Variants in FMN1 observed in about 807,000 individuals in gnomAD.
The protein encoded by FMN1 is formin-1.
A neutral mutation model predicts 132.4 loss-of-function variants in FMN1; 110 were observed. That is an observed-to-expected ratio of 0.83 (90% CI 0.71 to 0.97). The LOEUF is 0.97. Ranked by LOEUF, FMN1 falls within the 50% of genes least tolerant of loss-of-function variation. The pLI is 0.00. For missense variants in FMN1, 1,792 were observed against 1,705.3 expected, an observed-to-expected ratio of 1.05 and a Z score of -0.90; for synonymous variants, 722 against 651.7, an observed-to-expected ratio of 1.11 and a Z score of -1.64.
rs1367927995 is a variant in FMN1, at chr15:33,103,719, G to C, written c.1868-14745C>G. Among the ~76,000 whole-genome samples, 6 of 152,168 alleles carry C rather than the reference G, an allele frequency of 3.9e-5. No individual in the cohort carries two copies. The East Asian group carries it at 1.2e-3, about 29-fold the overall frequency. ...TTTGTTATGTAGAAGAGTATTTAAG[G>C]TGCCAGGGTCTTTTCAGAATGTTTT... On this transcript the variant is annotated intron_variant, in intron 4 of 20. Coordinates refer to ENST00000616417, the MANE Select transcript of FMN1 (RefSeq NM_001277313.2).
At chr15:33,027,556 T>C (rs943026180) in intron 6 of FMN1, among the ~76,000 whole-genome samples, 1 of 151,934 alleles carries the variant, frequency 6.6e-6, no homozygotes, top group African/African-American at 2.4e-5. Context: ...ACACTAGTTT[T>C]AGACATTTCA....
At chr15:32,818,550 G>A (rs986259560) in intron 17 of FMN1, among the ~76,000 whole-genome samples, 2 of 152,034 alleles carry the variant, frequency 1.3e-5, no homozygotes, top group Non-Finnish European at 2.9e-5. Context: ...CTATTTTTGC[G>A]CCTTAGAGAA....
At chr15:33,091,389 G>A (rs1361010510) in intron 4 of FMN1, among the ~76,000 whole-genome samples, 1 of 152,136 alleles carries the variant, frequency 6.6e-6, no homozygotes, top group Non-Finnish European at 1.5e-5. Context: ...TCTCTACGCA[G>A]AGCAAAAACA....
In FMN1 at chr15:32,969,165, C is replaced by T. The variant is rs61166152; in HGVS notation, c.2536G>A (p.Asp846Asn). 4,026 of 1,613,716 alleles carry T rather than the reference C, an allele frequency of 2.5e-3. 80 individuals carry two copies. In the African/African-American group the frequency reaches 0.048, roughly 19 times the overall value. ...SSLSQLSPPNDHKDIHAALQP... is the reference protein window; with the variant it reads ...SSLSQLSPPNNHKDIHAALQP... ...AGTGCTGCATGGATGTCTTTGTGGT[C>T]ATTTGGGGGTGAGAGCTGGCTTAAA... is the stretch of plus-strand genomic sequence containing the variant. The change falls in exon 8 of 21, where the codon GAC becomes AAC. Residue 846 changes from aspartate to asparagine, a missense_variant. By Grantham distance (23) the Asp-to-Asn change is conservative (BLOSUM62 1). Around this residue, in one of 3 missense-constraint regions of FMN1, gnomAD observed 1,150 missense variants for 1,043.1 expected, o/e 1.10. Coordinates refer to ENST00000616417, the MANE Select transcript of FMN1 (RefSeq NM_001277313.2).
At chr15:33,127,925 T>A (rs973707581) in intron 4 of FMN1, among the ~76,000 whole-genome samples, 1 of 134,232 alleles carries the variant, frequency 7.4e-6, no homozygotes, top group Non-Finnish European at 1.7e-5. Flanking sequence ...CAGATGGAAA[T>A]AGAAGAAGAG....
intron 4 of FMN1, among the ~76,000 whole-genome samples, chr15:33,147,042 G>A (rs769632252): frequency 1.3e-5 from 2 of 151,896 alleles, no homozygotes; most frequent in Admixed American, 6.6e-5. Flanking sequence ...ATGCACACCT[G>A]TAATCCCAGC....
At chr15:32,794,581 AAAT>A (rs2057213523) in intron 19 of FMN1, among the ~76,000 whole-genome samples, 1 of 144,464 alleles carries the variant, frequency 6.9e-6, no homozygotes. Flanking sequence ...AAAAAATAAA[AAAT>A]AAAAAATAAA....
At chr15:32,896,515 G>A (rs1359192565) in intron 15 of FMN1, among the ~76,000 whole-genome samples, 1 of 151,940 alleles carries the variant, frequency 6.6e-6, no homozygotes, top group East Asian at 1.9e-4. Flanking sequence ...GTGTATTATT[G>A]TACAGATCTC....
At chr15:33,089,472 A>G (rs1436942133) in intron 4 of FMN1, among the ~76,000 whole-genome samples, 1 of 152,218 alleles carries the variant, frequency 6.6e-6, no homozygotes, top group Non-Finnish European at 1.5e-5. Flanking sequence ...GTAGTGCATG[A>G]GAAACCCATT....
At chr15:33,156,865 A>T (rs1479622950) in intron 3 of FMN1, among the ~76,000 whole-genome samples, 1 of 152,202 alleles carries the variant, frequency 6.6e-6, no homozygotes, top group Non-Finnish European at 1.5e-5. Context: ...TTTTGGAAAA[A>T]TAGAATGCTC....
intron 2 of FMN1, among the ~76,000 whole-genome samples, chr15:33,193,517 T>C (rs1029545861): frequency 2.0e-5 from 3 of 152,170 alleles, no homozygotes; most frequent in Non-Finnish European, 4.4e-5. Context: ...CATGCTTTAG[T>C]ACAGCTGGAG....
At chr15:33,089,945 T>C (rs545624728) in intron 4 of FMN1, among the ~76,000 whole-genome samples, 1 of 152,344 alleles carries the variant, frequency 6.6e-6, no homozygotes, top group South Asian at 2.1e-4. Context: ...GGGATGCCCT[T>C]TAGTACAGAA....
intron 5 of FMN1, among the ~76,000 whole-genome samples, chr15:33,077,039 A>AT (rs889514910): frequency 6.6e-6 from 1 of 152,100 alleles, no homozygotes; most frequent in African/African-American, 2.4e-5. Context: ...CTATGATCCA[A>AT]TTTTTTTGAG....
chr15:33,065,699 A>G (rs1283835295), intron 5 of FMN1, among the ~76,000 whole-genome samples: 1 of 152,236 alleles, frequency 6.6e-6, no homozygotes, highest in African/African-American at 2.4e-5. Flanking sequence ...TTTTAACTGA[A>G]TATTTTAAAT....
chr15:32,864,185 G>A (rs17816465), intron 16 of FMN1, among the ~76,000 whole-genome samples: 23,529 of 152,156 alleles, frequency 0.15, 2,407 homozygotes, highest in Admixed American at 0.25. Context: ...AAAAACAAAT[G>A]ACAGAAGCCT....
intron 4 of FMN1, among the ~76,000 whole-genome samples, chr15:33,102,471 G>A (rs1411764314): frequency 1.3e-5 from 2 of 152,070 alleles, no homozygotes; most frequent in Non-Finnish European, 2.9e-5. Flanking sequence ...GGTGAACCCA[G>A]TCTTAAGTCA....
At position 32,908,566 on chromosome 15, in the gene FMN1, C is replaced by T. The variant is rs770820333; in HGVS notation, c.3301G>A (p.Asp1101Asn). The T allele has an allele frequency of 2.5e-6, 4 of 1,584,110 alleles. No homozygotes were observed. The African/African-American group carries it at 4.1e-5, about 16-fold the overall frequency. ...AALYENRAQEDELVKIRKYYE... is the reference protein window; with the variant it reads ...AALYENRAQENELVKIRKYYE... ...TACTTTCTTATTTTAACCAGCTCAT[C>T]CTCTTGGGCTCTCTGTATCAAAATA... Residue 1101 changes from aspartate to asparagine, a missense_variant, in exon 12 of 21, where the codon GAT (aspartate) becomes AAT (asparagine). Transcript: ENST00000616417.
chr15:33,000,036 G>A (rs1156612782), intron 7 of FMN1, among the ~76,000 whole-genome samples: 1 of 152,154 alleles, frequency 6.6e-6, no homozygotes, highest in Non-Finnish European at 1.5e-5. Context: ...TGGAAGATTA[G>A]AGGACTACAT....
At position 33,000,451 on chromosome 15, in the gene FMN1, G is replaced by GGA. The variant is rs1555376585; in HGVS notation, c.2223+7562_2223+7563insTC. Reference sequence around the variant, plus strand: ...GCGACAGAGCCAGACTCCATCTCAGGAAAAAAAAAAAAAAAAAAGGAGGCG... The same window carrying GGA: ...GCGACAGAGCCAGACTCCATCTCAGGGAAAAAAAAAAAAAAAAAAAGGAGGCG... On this transcript the variant is annotated intron_variant, in intron 7 of 20. Coordinates refer to ENST00000616417, the MANE Select transcript of FMN1 (RefSeq NM_001277313.2). Among the ~76,000 whole-genome samples, 36 of 115,642 alleles carry GGA rather than the reference G, an allele frequency of 3.1e-4. 1 individual carries two copies. The South Asian group carries it at 6.7e-3, about 21-fold the overall frequency. 75.9% of individuals were successfully genotyped at this position (115,642 alleles called of 152,430 possible). A position where few individuals can be genotyped will look rare whatever the true frequency, so the allele number is the denominator to read the frequency against.
Sources: gnomAD v4.1 joint callset for allele counts (sites outside exome capture counted in the v4.1 genomes callset) on GRCh38, gnomAD v4.1.1 for gene constraint, gnomAD v4.1.1 regional missense constraint, MANE v1.5 for transcripts, NCBI Gene and HGNC (gene_info 2026-07-23, HGNC 2026-07-21) for gene names.